Variants in GGA1 observed in about 807,000 individuals in gnomAD.
GGA1 encodes ADP-ribosylation factor-binding protein GGA1.
In GGA1, 18 loss-of-function variants were observed where a neutral mutation model predicts 76.9. That is an observed-to-expected ratio of 0.23 (90% CI 0.16 to 0.35). The LOEUF (loss-of-function observed/expected upper bound fraction) is 0.35, where lower values mean the gene tolerates loss of function less well. GGA1 is among the 10% of genes least tolerant of loss of function. The pLI, the probability that GGA1 is intolerant of heterozygous loss-of-function variation, is 1.00. For missense variants in GGA1, 755 were observed against 859.0 expected (o/e 0.88, Z 1.51); for synonymous variants, 342 against 354.7 (o/e 0.96, Z 0.40).
intron 11 of GGA1, 147 bp from the exon 12 acceptor site, chr22:37,629,315 G>T: frequency 1.7e-6 from 1 of 595,900 alleles, no homozygotes; most frequent in Non-Finnish European, 2.9e-6. Flanking sequence ...TCTGCTGCTG[G>T]TTCCCTCTGA....
chr22:37,629,675 C>T (rs1308288296), intron 12 of GGA1, 149 bp downstream of exon 12: 7 of 566,030 alleles, frequency 1.2e-5, no homozygotes, highest in Non-Finnish European at 2.2e-5. Context: ...AGACACCCAC[C>T]CAGGGTACAG....
intron 2 of GGA1, among the ~76,000 whole-genome samples, chr22:37,616,463 A>G (rs1342516154): frequency 1.3e-5 from 2 of 152,128 alleles, no homozygotes; most frequent in African/African-American, 2.4e-5. Context: ...AGTCTGTTAG[A>G]TGATGTCACC....
At chr22:37,615,865 G>T (rs1170429817) in intron 2 of GGA1, among the ~76,000 whole-genome samples, 2 of 151,330 alleles carry the variant, frequency 1.3e-5, no homozygotes, top group Non-Finnish European at 1.5e-5. Flanking sequence ...TTTTGAGATG[G>T]AGTCTCGCTC....
chr22:37,629,719 A>G (rs1268801329), intron 12 of GGA1, among the ~76,000 whole-genome samples, 193 bp downstream of exon 12: 2 of 152,132 alleles, frequency 1.3e-5, no homozygotes, highest in Admixed American at 6.5e-5. Flanking sequence ...ATCTTCCCCA[A>G]GTCTCAGCCT....
chr22:37,609,164 G>T (rs918720689), intron 1 of GGA1: 1 of 1,444,378 alleles, frequency 6.9e-7, no homozygotes, highest in Non-Finnish European at 9.2e-7. Flanking sequence ...AGTGAGCTGC[G>T]CCGGGAACCC....
rs1180091393 is a variant in GGA1 at position 37,625,374 on chromosome 22, A to G, written c.940+298A>G. On this transcript the variant is annotated intron_variant, in intron 10 of 16. Transcript: ENST00000343632. The surrounding 1 kb of genome is among the most constrained non-coding windows in gnomAD (Gnocchi z 4.1). The stretch of plus-strand genomic sequence containing the variant: ...TGTATAGGGCTAGATGACACCCCAG[A>G]GGCTTTATGTATCAGAAAATGCGAG... 6.6e-6 allele frequency among the ~76,000 whole-genome samples: 1 copy of G among 152,124 alleles called. No individual in the cohort carries two copies. The highest frequency in any genetic ancestry group is 1.5e-5 in the Non-Finnish European group (1 of 68,016).
Position 37,618,583 on chromosome 22 carries a change from C to T in GGA1, c.303+37C>T, listed in dbSNP as rs773791712. 1.7e-5 allele frequency: 22 copies of T among 1,284,526 alleles called. 1 individual carries two copies. The highest frequency in any genetic ancestry group is 1.8e-4 in the Middle Eastern group (1 of 5,412). The allele number at this position is 1,284,526 out of a possible 1,614,324, so 79.6% of individuals were successfully genotyped here. ...CAGCCCAAGCTCAGACCTGCCCTGT[C>T]GGATGTGGGGAGAGGAAAGAGGACC... On this transcript the variant is annotated intron_variant, in intron 4 of 16. Transcript: ENST00000343632.
At chr22:37,626,021 C>A in intron 11 of GGA1, 72 bp downstream of exon 11, 1 of 1,288,928 alleles carries the variant, frequency 7.8e-7, no homozygotes, top group Non-Finnish European at 1.1e-6. Context: ...GGCCCACTCA[C>A]AGCTAGCGGA....
intron 11 of GGA1, 74 bp downstream of exon 11, chr22:37,626,023 G>C: frequency 7.9e-7 from 1 of 1,267,298 alleles, no homozygotes; most frequent in Non-Finnish European, 1.1e-6. Flanking sequence ...CCCACTCACA[G>C]CTAGCGGAAC....
intron 4 of GGA1, chr22:37,619,736 C>G (rs1601524991): frequency 1.3e-6 from 1 of 770,446 alleles, no homozygotes; most frequent in East Asian, 2.4e-5. Context: ...CTTCCTTGCT[C>G]AGACCCATCC....
At chr22:37,608,974 C>A in intron 1 of GGA1, 71 bp downstream of exon 1, 3 of 1,319,042 alleles carry the variant, frequency 2.3e-6, no homozygotes, top group Middle Eastern at 2.8e-4. Context: ...CCCTTCCCGG[C>A]GGGGGCGGGG....
At chr22:37,622,326 C>CT (rs1568983507) in intron 7 of GGA1, among the ~76,000 whole-genome samples, 2 of 152,198 alleles carry the variant, frequency 1.3e-5, no homozygotes, top group Non-Finnish European at 1.5e-5. Context: ...AGCAATCTGC[C>CT]TGCCTCGGCG....
At chr22:37,611,357 A>G (rs1601492543) in intron 1 of GGA1, among the ~76,000 whole-genome samples, 2 of 151,886 alleles carry the variant, frequency 1.3e-5, no homozygotes, top group Non-Finnish European at 3.0e-5. Context: ...GAGCCCTCCG[A>G]AAGCCCTCCC....
intron 4 of GGA1, among the ~76,000 whole-genome samples, chr22:37,618,892 C>T (rs1442267142): frequency 1.3e-5 from 2 of 152,172 alleles, no homozygotes; most frequent in Non-Finnish European, 2.9e-5. Context: ...CCCTGTGGAC[C>T]TGGCCACAGA....
intron 1 of GGA1, among the ~76,000 whole-genome samples, chr22:37,610,853 A>G (rs976836681): frequency 2.8e-4 from 43 of 152,160 alleles, no homozygotes; most frequent in Non-Finnish European, 5.6e-4. Context: ...GTCAGGGGCC[A>G]TGGGCCAAGG....
chr22:37,609,231 C>A, intron 1 of GGA1: 4 of 1,209,140 alleles, frequency 3.3e-6, no homozygotes, highest in Non-Finnish European at 4.2e-6. Flanking sequence ...CACGGAGTAG[C>A]GGCCCGGGGA....
chr22:37,632,093 G>A lies in GGA1; in HGVS notation c.1626G>A (p.Val542=), dbSNP rs372280694. The A allele has an allele frequency of 6.2e-7, 1 of 1,613,824 alleles. No homozygotes were observed. The highest frequency in any genetic ancestry group is 1.7e-5 in the Admixed American group (1 of 60,012). Reference sequence around the variant, plus strand: ...TGCCAGGGCGCTCCGACGTGCTGGTGGTGGTGGTTTCCATGCTGAGCACCG... The same window carrying A: ...TGCCAGGGCGCTCCGACGTGCTGGTAGTGGTGGTTTCCATGCTGAGCACCG... ...DPLPGRSDVL[V]VVVSMLSTAP... The change falls in exon 15 of 17, where the codon GTG becomes GTA. Residue 542 remains valine (V), a synonymous_variant. Transcript: ENST00000343632. The surrounding 1 kb of genome is among the most constrained non-coding windows in gnomAD (Gnocchi z 5.1).
intron 5 of GGA1, 28 bp from the exon 6 acceptor site, chr22:37,620,785 C>A: frequency 7.2e-7 from 1 of 1,389,402 alleles, no homozygotes; most frequent in Non-Finnish European, 1.0e-6. Context: ...GACATATTGA[C>A]AGCCTTTCTG....
chr22:37,619,154 C>T (rs1929372400), intron 4 of GGA1, among the ~76,000 whole-genome samples: 1 of 152,228 alleles, frequency 6.6e-6, no homozygotes, highest in Admixed American at 6.5e-5. Context: ...CAACCTCCAC[C>T]TCCTGGGTTC....
Sources: gnomAD v4.1 joint callset for allele counts (sites outside exome capture counted in the v4.1 genomes callset) on GRCh38, gnomAD v4.1.1 for gene constraint, Gnocchi (gnomAD v3.1) non-coding constraint, MANE v1.5 for transcripts, NCBI Gene and HGNC (gene_info 2026-07-23, HGNC 2026-07-21) for gene names.